Variants in EYA1 observed in about 807,000 individuals in gnomAD.
EYA1 encodes protein phosphatase EYA1.
In EYA1, 16 loss-of-function variants were observed where a neutral mutation model predicts 82.0. The ratio of observed to expected loss-of-function variants is 0.20; its 90% CI spans 0.13 to 0.30. EYA1 has a LOEUF of 0.30. Among genes scored for constraint, EYA1 ranks in the 10% least tolerant of loss-of-function variants. The pLI is 1.00. For synonymous variants in EYA1, 261 were observed against 264.4 expected (o/e 0.99, Z 0.12); for missense variants, 633 against 730.7 (o/e 0.87, Z 1.54).
chr8:71,523,291 G>A (rs1394522527), intron 2 of EYA1, among the ~76,000 whole-genome samples: 1 of 146,570 alleles, frequency 6.8e-6, no homozygotes, highest in African/African-American at 2.5e-5. Context: ...CCATTCTCCT[G>A]CCTCAGCCTC....
chr8:71,218,316 G>T (rs1809464329), intron 12 of EYA1, among the ~76,000 whole-genome samples: 1 of 151,984 alleles, frequency 6.6e-6, no homozygotes, highest in African/African-American at 2.4e-5. Context: ...AATAATAGAA[G>T]GTATATTTTT....
chr8:71,238,085 T>C (rs1003394675), intron 12 of EYA1, among the ~76,000 whole-genome samples: 1 of 152,184 alleles, frequency 6.6e-6, no homozygotes, highest in Non-Finnish European at 1.5e-5. Context: ...TTGACTTATT[T>C]AGTCTTTTCA....
intron 2 of EYA1, among the ~76,000 whole-genome samples, chr8:71,523,879 AT>A (rs1813626802): frequency 1.3e-5 from 2 of 152,118 alleles, no homozygotes; most frequent in South Asian, 2.1e-4. Flanking sequence ...AAAGATAATC[AT>A]TTTTTTAAGG....
chr8:71,515,628 C>T (rs973807866), intron 2 of EYA1, among the ~76,000 whole-genome samples: 5 of 152,032 alleles, frequency 3.3e-5, no homozygotes, highest in Admixed American at 2.6e-4. Context: ...CATTTCTTAA[C>T]CCAAGTCTTT....
At position 71,519,083 on chromosome 8, in the gene EYA1, C is replaced by T. The variant is rs151133096; in HGVS notation, c.33+16661G>A. Among the ~76,000 whole-genome samples the T allele has an allele frequency of 2.2e-3, 334 of 152,248 alleles. 1 individual carries two copies. Among genetic ancestry groups the T allele is most frequent in the Admixed American group, 8.6e-3 (131 of 15,280 alleles). The stretch of plus-strand genomic sequence containing the variant: ...CAATTTATTTTCTTCACTAAAAACA[C>T]AAAGTACTTTTTCCCCTATGACAAT... On this transcript the variant is annotated intron_variant, in intron 2 of 18. Coordinates refer to the EYA1 transcript ENST00000643681.
At chr8:71,334,414 T>C in intron 3 of EYA1, 2 of 544,350 alleles carry the variant, frequency 3.7e-6, no homozygotes, top group Non-Finnish European at 6.6e-6. Flanking sequence ...ACTGTAAAAG[T>C]AATTAAATTC....
At chr8:71,371,908 G>C (rs968698646) in intron 2 of EYA1, among the ~76,000 whole-genome samples, 2 of 151,998 alleles carry the variant, frequency 1.3e-5, no homozygotes, top group Non-Finnish European at 2.9e-5. Flanking sequence ...AAATCTCCAA[G>C]AGAAGAGAGC....
rs1440163107 is a variant in EYA1, at chr8:71,488,396, G to T, written c.33+47348C>A. On this transcript the variant is annotated intron_variant, in intron 2 of 18. Coordinates refer to the EYA1 transcript ENST00000643681. ...GGATGTAGTCATGCAACAGAATACTGCATAGCAATGAAAAAGAATGAACAA... is the reference window on the plus strand; with the variant it reads ...GGATGTAGTCATGCAACAGAATACTTCATAGCAATGAAAAAGAATGAACAA... Among the ~76,000 whole-genome samples the T allele has an allele frequency of 8.5e-5, 13 of 152,148 alleles. 1 individual carries two copies. The South Asian group carries it at 2.7e-3, about 32-fold the overall frequency.
chr8:71,378,236 G>A (rs1056875802), intron 2 of EYA1, among the ~76,000 whole-genome samples: 2 of 152,088 alleles, frequency 1.3e-5, no homozygotes, highest in Non-Finnish European at 2.9e-5. Flanking sequence ...AGGCTTGCAG[G>A]GAGGCTAAGG....
At chr8:71,223,365 T>C (rs1241291602) in intron 12 of EYA1, among the ~76,000 whole-genome samples, 2 of 152,188 alleles carry the variant, frequency 1.3e-5, no homozygotes, top group African/African-American at 4.8e-5. Context: ...AAAATTGAAA[T>C]GACCATGGTC....
At position 71,308,774 on chromosome 8, in the gene EYA1, G is replaced by A. The variant is rs146956258; in HGVS notation, c.556+8778C>T. ...AAAGGTCTGCTTCACAGAGAACAAG[G>A]ACTCACATTAAAAACCAGAATCCCA... On this transcript the variant is annotated intron_variant, in intron 7 of 17. Transcript: ENST00000340726. 3.1e-4 allele frequency among the ~76,000 whole-genome samples: 46 copies of A among 150,612 alleles called. No homozygotes were observed. In the East Asian group the frequency reaches 8.6e-3, roughly 28 times the overall value.
At chr8:71,371,256 A>C (rs1828063798) in intron 2 of EYA1, among the ~76,000 whole-genome samples, 1 of 152,206 alleles carries the variant, frequency 6.6e-6, no homozygotes, top group Admixed American at 6.5e-5. Flanking sequence ...CTGAAGAAGC[A>C]TGCACCATTT....
At chr8:71,511,226 A>G (rs190971987) in intron 2 of EYA1, among the ~76,000 whole-genome samples, 1 of 152,294 alleles carries the variant, frequency 6.6e-6, no homozygotes, top group Admixed American at 6.5e-5. Flanking sequence ...AAATTTGTCA[A>G]TCTATTCCTT....
At chr8:71,498,856 G>A (rs1811607747) in intron 2 of EYA1, among the ~76,000 whole-genome samples, 1 of 152,204 alleles carries the variant, frequency 6.6e-6, no homozygotes. Flanking sequence ...AAGAATGACT[G>A]CTCTTTGGAC....
At chr8:71,501,740 A>G (rs1477089279) in intron 2 of EYA1, among the ~76,000 whole-genome samples, 1 of 152,240 alleles carries the variant, frequency 6.6e-6, no homozygotes, top group Non-Finnish European at 1.5e-5. Flanking sequence ...ATTCACTGAC[A>G]GAACTGCTGA....
chr8:71,305,816 T>A (rs941834252), intron 7 of EYA1, among the ~76,000 whole-genome samples: 9 of 152,252 alleles, frequency 5.9e-5, no homozygotes, highest in Admixed American at 1.3e-4. Flanking sequence ...CTTCCACTGC[T>A]GTCTTTTAAA....
intron 2 of EYA1, among the ~76,000 whole-genome samples, chr8:71,496,172 A>G (rs1363439823): frequency 6.6e-6 from 1 of 152,224 alleles, no homozygotes; most frequent in Non-Finnish European, 1.5e-5. Flanking sequence ...ATGTAGAGGC[A>G]AGTCTGATAA....
At chr8:71,513,786 A>G (rs1216514761) in intron 2 of EYA1, among the ~76,000 whole-genome samples, 2 of 151,890 alleles carry the variant, frequency 1.3e-5, no homozygotes, top group Non-Finnish European at 2.9e-5. Flanking sequence ...CTACTCTATG[A>G]TGTCCTTGAG....
At chr8:71,518,794 G>A (rs918888999) in intron 2 of EYA1, among the ~76,000 whole-genome samples, 1 of 151,892 alleles carries the variant, frequency 6.6e-6, no homozygotes, top group Non-Finnish European at 1.5e-5. Flanking sequence ...CAAGAAACGG[G>A]GTTGACATGT....
Sources: allele counts gnomAD v4.1 joint callset (sites outside exome capture counted in the v4.1 genomes callset), GRCh38; gene constraint gnomAD v4.1.1; transcripts MANE v1.5; gene names NCBI Gene and HGNC (gene_info 2026-07-23, HGNC 2026-07-21).